KSR2: variants seen among roughly 807,000 people sequenced by gnomAD.
The protein encoded by KSR2 is kinase suppressor of ras 2.
A neutral mutation model predicts 107.8 loss-of-function variants in KSR2; 25 were observed. That is an observed-to-expected ratio of 0.23 (90% CI 0.17 to 0.32). The LOEUF is 0.32. Ranked by LOEUF, KSR2 falls within the 10% of genes least tolerant of loss-of-function variation. KSR2 has a pLI of 1.00. For synonymous variants in KSR2, 480 were observed against 507.0 expected (o/e 0.95, Z 0.71); for missense variants, 887 against 1,268.9 (o/e 0.70, Z 4.57).
chr12:117,610,827 G>C (rs1430046672), intron 5 of KSR2, among the ~76,000 whole-genome samples: 5 of 151,276 alleles, frequency 3.3e-5, no homozygotes, highest in African/African-American at 1.2e-4. Flanking sequence ...TAGGTAGGTA[G>C]AGACAGACAG....
At chr12:117,822,773 G>A (rs1038435760) in intron 3 of KSR2, among the ~76,000 whole-genome samples, 13 of 152,096 alleles carry the variant, frequency 8.5e-5, no homozygotes, top group Non-Finnish European at 1.5e-4. Context: ...TTGCTAGCCC[G>A]GGAAAAGATC....
intron 7 of KSR2, among the ~76,000 whole-genome samples, chr12:117,576,519 A>T (rs1879294245): frequency 6.6e-6 from 1 of 152,018 alleles, no homozygotes; most frequent in Admixed American, 6.6e-5. Flanking sequence ...TTTTTTTGAG[A>T]CAGGGTCTTG....
At chr12:117,656,965 T>TATATATATATATAATAGGAG (rs1884191691) in intron 5 of KSR2, among the ~76,000 whole-genome samples, 1 of 109,850 alleles carries the variant, frequency 9.1e-6, no homozygotes, top group African/African-American at 3.6e-5. Context: ...TATAATAGGA[T>TATATATATATATAATAGGAG]ATATATATAT....
chr12:117,653,676 T>C lies in KSR2; in HGVS notation c.1171+13798A>G, dbSNP rs185826044. On this transcript the variant is annotated intron_variant, in intron 5 of 19. Coordinates refer to ENST00000339824, the MANE Select transcript of KSR2 (RefSeq NM_173598.6). ...CAGTGGTGTGGGACCTGTCGAGATA[T>C]TCCTTTTAAGGTAAAGGATAAGTTG... is the stretch of plus-strand genomic sequence containing the variant. 1.2e-3 allele frequency among the ~76,000 whole-genome samples: 181 copies of C among 152,350 alleles called. 1 individual carries two copies. The highest frequency in any genetic ancestry group is 4.1e-3 in the African/African-American group (171 of 41,586).
chr12:117,633,879 C>T (rs1481409721), intron 5 of KSR2, among the ~76,000 whole-genome samples: 1 of 152,166 alleles, frequency 6.6e-6, no homozygotes, highest in Non-Finnish European at 1.5e-5. Context: ...CTGTGCTCCT[C>T]CAGACATGCC....
Position 117,531,702 on chromosome 12 carries a change from G to A in KSR2, c.1693C>T (p.His565Tyr), listed in dbSNP as rs11068531. 2,815 of 1,598,376 alleles carry A rather than the reference G, an allele frequency of 1.8e-3. 51 individuals carry two copies. The East Asian group carries it at 0.036, about 21-fold the overall frequency. ...QQKNFNLPAS[H>Y]YYKYKQQFIF... ...AACTGCTGCTTGTATTTGTAGTAGTGGGATGCTTGCAAAAGAAAGAAAACA... is the reference window on the plus strand; with the variant it reads ...AACTGCTGCTTGTATTTGTAGTAGTAGGATGCTTGCAAAAGAAAGAAAACA... Residue 565 changes from histidine to tyrosine, a missense_variant, in exon 11 of 20, where the codon CAC becomes TAC. His to Tyr is a moderately conservative substitution (Grantham distance 83). Around this residue, in one of 8 missense-constraint regions of KSR2, gnomAD observed 50 missense variants for 43.4 expected, o/e 1.15. Transcript: ENST00000339824.
chr12:117,720,519 A>C (rs1320131566), intron 4 of KSR2, among the ~76,000 whole-genome samples: 1 of 152,362 alleles, frequency 6.6e-6, no homozygotes, highest in Non-Finnish European at 1.5e-5. Flanking sequence ...GGCAAGATCG[A>C]TAAAAGTCCC....
At chr12:117,914,627 C>T (rs927045999) in intron 1 of KSR2, among the ~76,000 whole-genome samples, 1 of 152,138 alleles carries the variant, frequency 6.6e-6, no homozygotes, top group Non-Finnish European at 1.5e-5. Context: ...CTTGAACCCC[C>T]AGGCTCAAGC....
intron 14 of KSR2, among the ~76,000 whole-genome samples, chr12:117,489,705 T>C (rs1229097878): frequency 6.6e-6 from 1 of 152,212 alleles, no homozygotes; most frequent in African/African-American, 2.4e-5. Context: ...AGATGGGCAA[T>C]GTCTACAGAG....
chr12:117,648,334 A>G (rs1045088487), intron 5 of KSR2, among the ~76,000 whole-genome samples: 2 of 152,262 alleles, frequency 1.3e-5, no homozygotes, highest in South Asian at 2.1e-4. Context: ...CCTGTTTGCC[A>G]CAATCTTCAC....
At chr12:117,562,611 T>C (rs1034215371) in intron 7 of KSR2, among the ~76,000 whole-genome samples, 1 of 152,154 alleles carries the variant, frequency 6.6e-6, no homozygotes, top group Non-Finnish European at 1.5e-5. Context: ...GCATGCAATT[T>C]AGTTTAACCT....
At chr12:117,837,891 G>A (rs1892296895) in intron 3 of KSR2, among the ~76,000 whole-genome samples, 1 of 152,218 alleles carries the variant, frequency 6.6e-6, no homozygotes, top group African/African-American at 2.4e-5. Flanking sequence ...TGTGGGGAAA[G>A]GAGGACCATT....
chr12:117,900,558 T>TTA (rs201264767), intron 1 of KSR2, among the ~76,000 whole-genome samples: 116 of 150,098 alleles, frequency 7.7e-4, no homozygotes, highest in African/African-American at 2.0e-3. Context: ...GCTAGAGACT[T>TTA]TATATATATA....
At chr12:117,555,000 A>G (rs1877557646) in intron 9 of KSR2, among the ~76,000 whole-genome samples, 169 bp downstream of exon 9, 1 of 152,028 alleles carries the variant, frequency 6.6e-6, no homozygotes, top group African/African-American at 2.4e-5. Context: ...CTCTCCACTG[A>G]TCTCTGGACG....
chr12:117,513,720 G>A (rs948006759), intron 14 of KSR2, among the ~76,000 whole-genome samples: 5 of 152,184 alleles, frequency 3.3e-5, no homozygotes, highest in South Asian at 4.1e-4. Context: ...ACTCAGGCAC[G>A]GCTAGAAAGG....
intron 1 of KSR2, among the ~76,000 whole-genome samples, chr12:117,895,402 T>G (rs1002658825): frequency 1.3e-5 from 2 of 152,118 alleles, no homozygotes; most frequent in Admixed American, 6.5e-5. Flanking sequence ...GTTCTCTAAC[T>G]TGGCTGCACA....
chr12:117,781,713 A>T (rs1318063498), intron 3 of KSR2, among the ~76,000 whole-genome samples: 5 of 152,166 alleles, frequency 3.3e-5, no homozygotes, highest in Non-Finnish European at 5.9e-5. Flanking sequence ...TTACACCAAT[A>T]AATATTTTAC....
rs199612324 is a variant in KSR2, at chr12:117,792,963, CACA to C, written c.473-31442_473-31440del. On this transcript the variant is annotated intron_variant, in intron 3 of 19. Coordinates refer to ENST00000339824, the MANE Select transcript of KSR2 (RefSeq NM_173598.6). The stretch of plus-strand genomic sequence containing the variant: ...ACACACGCTCACACCAACGTGCACA[CACA>C]ACATGCACACACTCTCACACCAACA... Among the ~76,000 whole-genome samples, 154 of 148,412 alleles carry C rather than the reference CACA, an allele frequency of 1.0e-3. No homozygotes were observed. In the East Asian group the frequency reaches 0.019, roughly 18 times the overall value.
chr12:117,856,789 C>T (rs565242674), intron 2 of KSR2, among the ~76,000 whole-genome samples: 1 of 152,200 alleles, frequency 6.6e-6, no homozygotes, highest in African/African-American at 2.4e-5. Flanking sequence ...GGCAGTATTG[C>T]GGAATACATC....
Sources: allele counts gnomAD v4.1 joint callset (sites outside exome capture counted in the v4.1 genomes callset), GRCh38; gene constraint gnomAD v4.1.1; regional missense constraint gnomAD v4.1.1; transcripts MANE v1.5; gene names NCBI Gene and HGNC (gene_info 2026-07-23, HGNC 2026-07-21).